GRM1: variants seen among roughly 807,000 people sequenced by gnomAD.
The protein encoded by GRM1 is metabotropic glutamate receptor 1.
Under a neutral mutation model 90.9 loss-of-function variants are expected in GRM1, and 33 were observed. The observed-to-expected ratio is 0.36, with a 90% CI of 0.28 to 0.49. The LOEUF (loss-of-function observed/expected upper bound fraction) is 0.49, where lower values mean the gene tolerates loss of function less well. GRM1 is among the 20% of genes least tolerant of loss of function. The pLI, the probability that GRM1 is intolerant of heterozygous loss-of-function variation, is 0.99. For synonymous variants in GRM1, 700 were observed against 613.2 expected (o/e 1.14, Z -2.09); for missense variants, 1,190 against 1,534.3 (o/e 0.78, Z 3.75).
At chr6:146,175,608 G>A (rs7762913) in intron 2 of GRM1, among the ~76,000 whole-genome samples, 120,879 of 152,136 alleles carry the variant, frequency 0.79, 48,822 homozygotes, top group African/African-American at 0.94. Context: ...TAAATAGTAA[G>A]AATAATACAA....
chr6:146,076,744 G>A (rs1008683425), intron 1 of GRM1, among the ~76,000 whole-genome samples: 1 of 151,968 alleles, frequency 6.6e-6, no homozygotes, highest in African/African-American at 2.4e-5. Context: ...TGAGGTGAGA[G>A]ATCTGACAGA....
At chr6:146,121,561 T>C (rs1400965339) in intron 1 of GRM1, among the ~76,000 whole-genome samples, 2 of 152,188 alleles carry the variant, frequency 1.3e-5, no homozygotes. Context: ...CTGCTTTCTC[T>C]TGTGGGCATT....
intron 1 of GRM1, among the ~76,000 whole-genome samples, chr6:146,073,915 G>C (rs1001348438): frequency 2.0e-5 from 3 of 151,978 alleles, no homozygotes; most frequent in Non-Finnish European, 2.9e-5. Flanking sequence ...CATATGTGGA[G>C]AAAAAAGAGA....
At chr6:146,161,991 C>T (rs1296074678) in intron 2 of GRM1, among the ~76,000 whole-genome samples, 2 of 152,184 alleles carry the variant, frequency 1.3e-5, no homozygotes, top group Non-Finnish European at 2.9e-5. Flanking sequence ...AAATGCTGCT[C>T]TGTCACTCAT....
chr6:146,237,926 T>C (rs1290721104), intron 2 of GRM1, among the ~76,000 whole-genome samples: 2 of 152,170 alleles, frequency 1.3e-5, no homozygotes, highest in African/African-American at 4.8e-5. Context: ...GTTTGAAAAG[T>C]ATTTGGACAA....
At chr6:146,358,849 A>G (rs1562636606) in intron 5 of GRM1, among the ~76,000 whole-genome samples, 1 of 152,214 alleles carries the variant, frequency 6.6e-6, no homozygotes, top group Non-Finnish European at 1.5e-5. Flanking sequence ...ACAAAGAAAG[A>G]AACTTCTGAG....
chr6:146,114,968 T>C (rs1364962990), intron 1 of GRM1, among the ~76,000 whole-genome samples: 1 of 152,114 alleles, frequency 6.6e-6, no homozygotes, highest in African/African-American at 2.4e-5. Flanking sequence ...ACCTAAGGAC[T>C]ACAGGACATG....
chr6:146,199,064 C>T (rs1281566054), intron 2 of GRM1, among the ~76,000 whole-genome samples: 1 of 152,188 alleles, frequency 6.6e-6, no homozygotes, highest in African/African-American at 2.4e-5. Flanking sequence ...AAGCCCATCT[C>T]TGTGACTCCT....
chr6:146,239,802 G>A (rs1780785192), intron 2 of GRM1, among the ~76,000 whole-genome samples: 1 of 152,124 alleles, frequency 6.6e-6, no homozygotes, highest in Non-Finnish European at 1.5e-5. Context: ...ACTTTTGAGT[G>A]ACAGTTTGAA....
At chr6:146,239,512 A>T (rs930518540) in intron 2 of GRM1, among the ~76,000 whole-genome samples, 2 of 152,122 alleles carry the variant, frequency 1.3e-5, no homozygotes, top group African/African-American at 4.8e-5. Flanking sequence ...TTCTTTATAC[A>T]TAGCCAGGAC....
At chr6:146,045,233 C>T (rs1791282224) in intron 1 of GRM1, among the ~76,000 whole-genome samples, 3 of 151,916 alleles carry the variant, frequency 2.0e-5, no homozygotes, top group African/African-American at 7.2e-5. Flanking sequence ...AGATATTTAT[C>T]TATTCATTTC....
At chr6:146,041,725 C>T (rs1176234332) in intron 1 of GRM1, among the ~76,000 whole-genome samples, 1 of 151,986 alleles carries the variant, frequency 6.6e-6, no homozygotes, top group Non-Finnish European at 1.5e-5. Context: ...TTCACAGCCT[C>T]AGCTTCGAAT....
At chr6:146,306,854 G>A (rs1018257999) in intron 3 of GRM1, among the ~76,000 whole-genome samples, 1 of 152,108 alleles carries the variant, frequency 6.6e-6, no homozygotes, top group African/African-American at 2.4e-5. Context: ...GAAAGATGGT[G>A]TCACCATTGA....
At chr6:146,294,397 T>C (rs1783103617) in intron 2 of GRM1, among the ~76,000 whole-genome samples, 1 of 152,066 alleles carries the variant, frequency 6.6e-6, no homozygotes, top group Non-Finnish European at 1.5e-5. Context: ...TGTTGGTTTT[T>C]TTAAAAAAAG....
rs1007798813 is a variant in GRM1 at position 146,029,205 on chromosome 6, C to T, written c.-313C>T. On this transcript the variant is annotated 5_prime_UTR_variant, in exon 1 of 8. Coordinates refer to ENST00000282753, the MANE Select transcript of GRM1 (RefSeq NM_001278064.2). The stretch of plus-strand genomic sequence containing the variant: ...TCTGTCTTTTGTCAGCAGCATCTAG[C>T]TCACCGCTGCCAACACGACTTCCAC... 6.8e-6 allele frequency: 3 copies of T among 441,616 alleles called. No homozygotes were observed. Among genetic ancestry groups the T allele is most frequent in the African/African-American group, 6.0e-5 (3 of 50,114 alleles). The allele number at this position is 441,616 out of a possible 1,614,324, so 27.4% of individuals were successfully genotyped here. A position where few individuals can be genotyped will look rare whatever the true frequency, so the allele number is the denominator to read the frequency against.
chr6:146,229,701 A>C (rs565442233), intron 2 of GRM1, among the ~76,000 whole-genome samples: 8 of 152,190 alleles, frequency 5.3e-5, no homozygotes, highest in Non-Finnish European at 7.3e-5. Flanking sequence ...TATATTCTTC[A>C]AAAATTATGG....
intron 5 of GRM1, among the ~76,000 whole-genome samples, chr6:146,379,211 G>C (rs1451913059): frequency 6.6e-6 from 1 of 151,974 alleles, no homozygotes; most frequent in Non-Finnish European, 1.5e-5. Context: ...ATAATCCTTA[G>C]ATTTGCCCAT....
intron 1 of GRM1, among the ~76,000 whole-genome samples, chr6:146,089,696 G>A (rs958971135): frequency 6.6e-6 from 1 of 152,058 alleles, no homozygotes; most frequent in Non-Finnish European, 1.5e-5. Flanking sequence ...GTGATGCCAG[G>A]TTGCTTTCTA....
chr6:146,033,247 T>G (rs550338957), intron 1 of GRM1, among the ~76,000 whole-genome samples: 2 of 152,288 alleles, frequency 1.3e-5, no homozygotes, highest in African/African-American at 4.8e-5. Flanking sequence ...TGGAGCAAGC[T>G]GCCTACCTGG....
Sources: gnomAD v4.1 joint callset for allele counts (sites outside exome capture counted in the v4.1 genomes callset) on GRCh38, gnomAD v4.1.1 for gene constraint, MANE v1.5 for transcripts, NCBI Gene and HGNC (gene_info 2026-07-23, HGNC 2026-07-21) for gene names.